The following GPRC6A variants were observed in gnomAD, a reference collection of about 807,000 sequenced individuals.
GPRC6A encodes G protein-coupled receptor class C group 6 member A, also known as G protein-coupled receptor family C group 6 member A.
In GPRC6A, 54 loss-of-function variants were observed where a neutral mutation model predicts 47.0. The observed-to-expected ratio is 1.15, with a 90% confidence interval of 0.92 to 1.44. GPRC6A has a LOEUF of 1.44. Ranked by LOEUF, GPRC6A falls within the 40% of genes most tolerant of loss-of-function variation. The pLI is 0.00. For missense variants in GPRC6A, 1,112 were observed against 1,105.5 expected (o/e 1.01, Z -0.08); for synonymous variants, 347 against 377.1 (o/e 0.92, Z 0.93).
intron 1 of GPRC6A, among the ~76,000 whole-genome samples, chr6:116,818,127 G>A (rs1307389156): frequency 6.6e-6 from 1 of 152,196 alleles, no homozygotes; most frequent in Non-Finnish European, 1.5e-5. Context: ...AGGGCAGCCA[G>A]AGAGAAAGGT....
intron 4 of GPRC6A, 34 bp from the exon 5 acceptor site, chr6:116,795,869 A>G: frequency 6.9e-7 from 1 of 1,445,300 alleles, no homozygotes; most frequent in Non-Finnish European, 9.5e-7. Context: ...ATCACAAGTA[A>G]ATTTGTAAAA....
chr6:116,793,067 A>G lies in GPRC6A; in HGVS notation c.1856T>C (p.Leu619Pro). The change falls in exon 6 of 6, where the codon CTG (leucine) becomes CCG (proline). Residue 619 changes from leucine to proline, a missense_variant. Transcript: ENST00000310357. ...GGATGATTTCACAACAGGTGTGTTC[A>G]GGTTTCTTGTAAATATTATGCCAAC... ...LVVGIIFTRN[L>P]NTPVVKSSGG... is the part of the protein sequence containing the mutation. 1 of 1,613,860 alleles carries G rather than the reference A, an allele frequency of 6.2e-7. No homozygotes were observed.
chr6:116,822,011 C>G (rs893384998), intron 1 of GPRC6A, among the ~76,000 whole-genome samples: 1 of 142,628 alleles, frequency 7.0e-6, no homozygotes. Flanking sequence ...AACAAATTTA[C>G]AAGAAAAAAA....
intron 1 of GPRC6A, among the ~76,000 whole-genome samples, chr6:116,817,730 G>C (rs1264591467): frequency 6.6e-6 from 1 of 152,152 alleles, no homozygotes; most frequent in Non-Finnish European, 1.5e-5. Flanking sequence ...ACTACGTGAA[G>C]AATGCAGAAG....
chr6:116,828,641 A>C (rs368082405), intron 1 of GPRC6A, among the ~76,000 whole-genome samples, 179 bp downstream of exon 1: 1 of 152,128 alleles, frequency 6.6e-6, no homozygotes, highest in Admixed American at 6.6e-5. Context: ...TTCATTATAC[A>C]TAGAGGGCTG....
intron 1 of GPRC6A, among the ~76,000 whole-genome samples, chr6:116,821,935 G>A (rs933030036): frequency 5.4e-5 from 8 of 149,194 alleles, no homozygotes; most frequent in African/African-American, 1.3e-4. Context: ...CCTACAAAAT[G>A]GGAGAAAATT....
chr6:116,810,862 T>C (rs59039626), intron 1 of GPRC6A, among the ~76,000 whole-genome samples: 3,968 of 152,106 alleles, frequency 0.026, 150 homozygotes, highest in African/African-American at 0.091. Context: ...ACTCAGGACT[T>C]AGAGGGTCAT....
intron 1 of GPRC6A, among the ~76,000 whole-genome samples, chr6:116,815,606 A>G (rs529594947): frequency 6.8e-4 from 104 of 152,370 alleles, no homozygotes; most frequent in African/African-American, 2.1e-3. Context: ...AGATCAGGCC[A>G]TATATTAGGC....
In GPRC6A at chr6:116,792,502, G is replaced by T. The variant is rs763381094; in HGVS notation, c.2421C>A (p.Gly807=). 1.2e-6 allele frequency: 2 copies of T among 1,613,642 alleles called. No individual in the cohort carries two copies. Among genetic ancestry groups the T allele is most frequent in the African/African-American group, 2.7e-5 (2 of 74,900 alleles). Residue 807 remains glycine (G), a synonymous_variant, in exon 6 of 6, where the codon GGC becomes GGA. Transcript: ENST00000310357. The part of the protein sequence containing the change: ...TFIPIYATTF[G]KYVPAVEIIV... ...TAATCTCCACAGCTGGTACATATTT[G>T]CCAAATGTGGTAGCATAGATAGGGA... is the stretch of plus-strand genomic sequence containing the variant.
In GPRC6A at chr6:116,792,280, G is replaced by A; in HGVS notation, c.2643C>T (p.Thr881=). The change falls in exon 6 of 6, where the codon ACC becomes ACT. Residue 881 remains threonine, a synonymous_variant. Transcript: ENST00000310357. Reference sequence around the variant, plus strand: ...CAGACTTGCCACTAGAGCTGGGATTGGTCATTGTGACATTGCCGCTCATGG... The same window carrying A: ...CAGACTTGCCACTAGAGCTGGGATTAGTCATTGTGACATTGCCGCTCATGG... ...LDSMSGNVTM[T]NPSSSGKSAT... is the part of the protein sequence containing the mutation. 6.2e-7 allele frequency: 1 copy of A among 1,614,002 alleles called. No homozygotes were observed. Among genetic ancestry groups the A allele is most frequent in the Non-Finnish European group, 8.5e-7 (1 of 1,179,934 alleles).
At chr6:116,813,840 A>C (rs1052295890) in intron 1 of GPRC6A, among the ~76,000 whole-genome samples, 1 of 152,226 alleles carries the variant, frequency 6.6e-6, no homozygotes, top group East Asian at 1.9e-4. Context: ...AATGGGAGAA[A>C]ATTATTGCAA....
Position 116,792,308 on chromosome 6 carries a change from T to G in GPRC6A, c.2615A>C (p.Asp872Ala), listed in dbSNP as rs200871005. 1 of 1,613,934 alleles carries G rather than the reference T, an allele frequency of 6.2e-7. No individual in the cohort carries two copies. The highest frequency in any genetic ancestry group is 1.7e-5 in the Admixed American group (1 of 59,978). ...CATTGTGACATTGCCGCTCATGGAG[T>G]CCAGTGAAGCAGGACTCAGGGCAAT... The part of the protein sequence containing the change: ...SSIALSPASL[D>A]SMSGNVTMTN... The change falls in exon 6 of 6, where the codon GAC (aspartate) becomes GCC (alanine). Residue 872 changes from aspartate to alanine, a missense_variant. Coordinates refer to ENST00000310357, the MANE Select transcript of GPRC6A (RefSeq NM_148963.4).
chr6:116,800,820 A>G, intron 3 of GPRC6A, 24 bp from the exon 4 acceptor site: 2 of 1,419,166 alleles, frequency 1.4e-6, no homozygotes, highest in Middle Eastern at 1.8e-4. Context: ...AAACAGAGAT[A>G]AGCACTTAAT....
At chr6:116,800,535 G>A (rs757118454) in intron 4 of GPRC6A, 49 bp downstream of exon 4, 1 of 1,161,862 alleles carries the variant, frequency 8.6e-7, no homozygotes, top group Admixed American at 1.7e-5. Flanking sequence ...TTTTGCAGTT[G>A]AGGTACCAAT....
chr6:116,819,657 C>T (rs1773383688), intron 1 of GPRC6A, among the ~76,000 whole-genome samples: 1 of 152,166 alleles, frequency 6.6e-6, no homozygotes, highest in South Asian at 2.1e-4. Context: ...TCTTTGAAAC[C>T]AACAAGAACA....
chr6:116,825,136 A>T (rs1002088463), intron 1 of GPRC6A, among the ~76,000 whole-genome samples: 3 of 152,098 alleles, frequency 2.0e-5, no homozygotes, highest in African/African-American at 7.2e-5. Flanking sequence ...CATCATACCA[A>T]CTGGGGAAAG....
At chr6:116,798,603 G>A (rs1772559342) in intron 4 of GPRC6A, among the ~76,000 whole-genome samples, 1 of 152,072 alleles carries the variant, frequency 6.6e-6, no homozygotes, top group African/African-American at 2.4e-5. Flanking sequence ...AGACTGAAGG[G>A]GGCTGGCGCG....
At chr6:116,815,896 G>A (rs1773189206) in intron 1 of GPRC6A, among the ~76,000 whole-genome samples, 1 of 152,208 alleles carries the variant, frequency 6.6e-6, no homozygotes, top group Admixed American at 6.5e-5. Context: ...AATTTGTAAA[G>A]AAAAGAGGTT....
intron 3 of GPRC6A, 127 bp from the exon 4 acceptor site, chr6:116,800,923 T>C: frequency 1.6e-6 from 1 of 642,684 alleles, no homozygotes; most frequent in South Asian, 2.0e-5. Context: ...TATAAATCAC[T>C]GGTTGGAGAA....
Sources: gnomAD v4.1 joint callset for allele counts (sites outside exome capture counted in the v4.1 genomes callset) on GRCh38, gnomAD v4.1.1 for gene constraint, MANE v1.5 for transcripts, NCBI Gene and HGNC (gene_info 2026-07-23, HGNC 2026-07-21) for gene names.